Variants in PID1 observed in about 807,000 individuals in gnomAD.
PID1 encodes PTB-containing, cubilin and LRP1-interacting protein.
Under a neutral mutation model 19.1 loss-of-function variants are expected in PID1, and 10 were observed. That is an observed-to-expected ratio of 0.52 (90% CI 0.32 to 0.89). The LOEUF is 0.89. Among genes scored for constraint, PID1 ranks in the 40% least tolerant of loss-of-function variants. The pLI is 0.03. For synonymous variants in PID1, 130 were observed against 116.0 expected (o/e 1.12, Z -0.78); for missense variants, 248 against 285.3 (o/e 0.87, Z 0.94).
chr2:229,104,532 C>T (rs897914524), intron 2 of PID1, among the ~76,000 whole-genome samples: 5 of 152,150 alleles, frequency 3.3e-5, no homozygotes, highest in African/African-American at 1.2e-4. Flanking sequence ...AGGAATTAAT[C>T]ATACATTATC....
At chr2:229,035,697 T>A (rs1479416919) in intron 2 of PID1, among the ~76,000 whole-genome samples, 1 of 152,232 alleles carries the variant, frequency 6.6e-6, no homozygotes, top group Non-Finnish European at 1.5e-5. Flanking sequence ...ACTGCTTTAA[T>A]TTCTTCACTT....
chr2:229,228,093 A>G (rs1190209151), intron 1 of PID1: 3 of 455,792 alleles, frequency 6.6e-6, no homozygotes, highest in East Asian at 1.4e-4. Flanking sequence ...GCGTGAGAAT[A>G]AAGGTCAACA....
intron 1 of PID1, among the ~76,000 whole-genome samples, chr2:229,167,218 T>C (rs966130189): frequency 6.6e-6 from 1 of 152,106 alleles, no homozygotes; most frequent in Non-Finnish European, 1.5e-5. Context: ...AGGCTAAAAT[T>C]AGTGGGCTAA....
Position 229,063,753 on chromosome 2 carries a change from T to C in PID1, c.178-37645A>G, listed in dbSNP as rs182800460. 1.6e-3 allele frequency among the ~76,000 whole-genome samples: 236 copies of C among 152,248 alleles called. 2 individuals carry two copies. The highest frequency in any genetic ancestry group is 5.4e-3 in the African/African-American group (223 of 41,572). On this transcript the variant is annotated intron_variant, in intron 2 of 2. Coordinates refer to ENST00000392055, the MANE Select transcript of PID1 (RefSeq NM_001100818.2). Reference sequence around the variant, plus strand: ...GTCCCCTACTATTATTGTATTGCATTCTATAGCACCCTTTAGATCTATTAA... The same window carrying C: ...GTCCCCTACTATTATTGTATTGCATCCTATAGCACCCTTTAGATCTATTAA...
At chr2:229,051,802 C>T (rs1164174498) in intron 2 of PID1, among the ~76,000 whole-genome samples, 2 of 152,210 alleles carry the variant, frequency 1.3e-5, no homozygotes, top group African/African-American at 4.8e-5. Flanking sequence ...GCTTGTCAGT[C>T]CAACTTGGAT....
chr2:229,080,199 C>T (rs1694642036), intron 2 of PID1, among the ~76,000 whole-genome samples: 1 of 152,206 alleles, frequency 6.6e-6, no homozygotes, highest in African/African-American at 2.4e-5. Context: ...ATACAAATCT[C>T]ATCAGGTTCC....
chr2:229,238,952 T>C (rs1689795869), intron 1 of PID1, among the ~76,000 whole-genome samples: 1 of 152,286 alleles, frequency 6.6e-6, no homozygotes, highest in African/African-American at 2.4e-5. Context: ...CACTAATTAT[T>C]GTTACTATTT....
At chr2:229,060,233 T>G (rs1574595147) in intron 2 of PID1, among the ~76,000 whole-genome samples, 1 of 152,224 alleles carries the variant, frequency 6.6e-6, no homozygotes, top group South Asian at 2.1e-4. Context: ...TCTTCCTGTC[T>G]AACTAAAATG....
At chr2:229,051,558 G>A (rs1003295561) in intron 2 of PID1, among the ~76,000 whole-genome samples, 5 of 152,020 alleles carry the variant, frequency 3.3e-5, no homozygotes, top group South Asian at 2.1e-4. Context: ...GGCTGGTCTC[G>A]AACTCCAGAG....
intron 1 of PID1, among the ~76,000 whole-genome samples, chr2:229,227,506 A>G (rs1350735764): frequency 6.6e-6 from 1 of 152,198 alleles, no homozygotes; most frequent in Non-Finnish European, 1.5e-5. Context: ...GGTAGCAATT[A>G]TCCATTCCCT....
intron 1 of PID1, among the ~76,000 whole-genome samples, chr2:229,220,331 A>G (rs1691939594): frequency 6.6e-6 from 1 of 152,320 alleles, no homozygotes; most frequent in African/African-American, 2.4e-5. Context: ...CAGGTGAGAG[A>G]GCCCCAGATG....
At chr2:229,192,518 T>C (rs1419768240) in intron 1 of PID1, among the ~76,000 whole-genome samples, 1 of 152,138 alleles carries the variant, frequency 6.6e-6, no homozygotes, top group Non-Finnish European at 1.5e-5. Flanking sequence ...TATTGAGCTA[T>C]CACAAAAAGG....
intron 2 of PID1, among the ~76,000 whole-genome samples, chr2:229,026,472 AAC>A (rs1693427049): frequency 6.6e-6 from 1 of 152,310 alleles, no homozygotes; most frequent in South Asian, 2.1e-4. Flanking sequence ...TTTTCGGCCA[AAC>A]ACACACAGAA....
At chr2:229,255,596 G>C (rs570596067) in intron 1 of PID1, among the ~76,000 whole-genome samples, 1 of 152,106 alleles carries the variant, frequency 6.6e-6, no homozygotes, top group South Asian at 2.1e-4. Flanking sequence ...CCCTCTACAT[G>C]TCCTCCATTT....
At chr2:229,094,439 T>C (rs1694935492) in intron 2 of PID1, among the ~76,000 whole-genome samples, 1 of 151,802 alleles carries the variant, frequency 6.6e-6, no homozygotes. Context: ...AGGAAAAAAA[T>C]CCTAAAATTC....
chr2:229,036,543 G>A (rs1178761859), intron 2 of PID1, among the ~76,000 whole-genome samples: 8 of 152,084 alleles, frequency 5.3e-5, no homozygotes, highest in Admixed American at 5.2e-4. Context: ...GATGTCAGGA[G>A]TTCGAGACCA....
chr2:229,170,024 C>T (rs542502579), intron 1 of PID1, among the ~76,000 whole-genome samples: 12 of 152,240 alleles, frequency 7.9e-5, no homozygotes, highest in African/African-American at 1.2e-4. Context: ...AGATCACTTC[C>T]GAACCCCTGT....
Position 229,024,913 on chromosome 2 carries a change from A to T in PID1, c.*719T>A, listed in dbSNP as rs1342488852. On this transcript the variant is annotated 3_prime_UTR_variant, in exon 3 of 3. Transcript: ENST00000392055. ...GATTTCATCCCTCTAAGGATGTTAG[A>T]AGGGGAAAGAGGGTGGACAGGGCAG... 5 of 152,684 alleles carry T rather than the reference A, an allele frequency of 3.3e-5. No homozygotes were observed. Among genetic ancestry groups the T allele is most frequent in the Non-Finnish European group, 7.3e-5 (5 of 68,084 alleles). 9.5% of individuals were successfully genotyped at this position (152,684 alleles called of 1,614,324 possible).
At chr2:229,201,152 A>G (rs1055382073) in intron 1 of PID1, among the ~76,000 whole-genome samples, 1 of 151,954 alleles carries the variant, frequency 6.6e-6, no homozygotes, top group Non-Finnish European at 1.5e-5. Context: ...TATCTTCACC[A>G]TTTTTCAGTG....
Sources: allele counts gnomAD v4.1 joint callset (sites outside exome capture counted in the v4.1 genomes callset), GRCh38; gene constraint gnomAD v4.1.1; transcripts MANE v1.5; gene names NCBI Gene and HGNC (gene_info 2026-07-23, HGNC 2026-07-21).